STAG2: variants seen among roughly 807,000 people sequenced by gnomAD.
STAG2 encodes STAG2 cohesin complex component.
STAG2 carries 14 observed loss-of-function variants against 108.1 expected under a neutral mutation model. That is an observed-to-expected ratio of 0.13 (90% CI 0.09 to 0.20). The LOEUF (loss-of-function observed/expected upper bound fraction) is 0.20, where lower values mean the gene tolerates loss of function less well. Among genes scored for constraint, STAG2 ranks in the 10% least tolerant of loss-of-function variants. The pLI is 1.00. For missense variants in STAG2, 440 were observed against 940.9 expected, an observed-to-expected ratio of 0.47 and a Z score of 6.96; for synonymous variants, 307 against 302.7, an observed-to-expected ratio of 1.01 and a Z score of -0.15.
At chrX:123,979,709 T>C (rs966530362) in intron 1 of STAG2, among the ~76,000 whole-genome samples, 1 of 111,104 alleles carries the variant, frequency 9.0e-6, no homozygotes, top group Non-Finnish European at 1.9e-5. Flanking sequence ...CTTTTATCTA[T>C]TAGTACAGGT....
intron 4 of STAG2, among the ~76,000 whole-genome samples, chrX:124,029,435 C>T (rs764538756): frequency 5.3e-4 from 59 of 110,292 alleles, no homozygotes; most frequent in Non-Finnish European, 9.7e-4. Flanking sequence ...CTCAGCCTCC[C>T]GAGTAGCTGG....
At chrX:124,033,064 A>G (rs912801036) in intron 5 of STAG2, among the ~76,000 whole-genome samples, 2 of 112,512 alleles carry the variant, frequency 1.8e-5, no homozygotes, top group Admixed American at 1.9e-4. Context: ...TGCCAGATTT[A>G]TTCATACCAT....
intron 27 of STAG2, among the ~76,000 whole-genome samples, chrX:124,078,349 CTT>C (rs35379581): frequency 0.033 from 3,694 of 111,479 alleles, 60 homozygotes; most frequent in Non-Finnish European, 0.047. Context: ...TAAATCTACT[CTT>C]TTATCCAAGG....
At chrX:124,068,732 T>A in intron 24 of STAG2, 76 bp downstream of exon 24, 1 of 702,880 alleles carries the variant, frequency 1.4e-6, no homozygotes, top group Non-Finnish European at 2.1e-6. Context: ...AAAGTTTAAA[T>A]AATACTAAGA....
At chrX:124,076,167 A>T (rs2058797089) in intron 25 of STAG2, among the ~76,000 whole-genome samples, 165 bp from the exon 26 acceptor site, 1 of 112,324 alleles carries the variant, frequency 8.9e-6, no homozygotes, top group African/African-American at 3.2e-5. Context: ...TTGATGTCAC[A>T]AAAATTTAGT....
At position 124,038,861 on chromosome X, in the gene STAG2, A is replaced by G. The variant is rs745452720; in HGVS notation, c.385+1238A>G. On this transcript the variant is annotated intron_variant, in intron 6 of 34. Coordinates refer to ENST00000371145, the MANE Select transcript of STAG2 (RefSeq NM_001042750.2). ...GAAAATTCAGCTGACTTCTGCTCAG[A>G]GGAGATGTTGTCATGATGTTACTAT... Among the ~76,000 whole-genome samples the G allele has an allele frequency of 4.3e-3, 475 of 111,753 alleles. 2 individuals are homozygous for G. Among genetic ancestry groups the G allele is most frequent in the African/African-American group, 0.012 (355 of 30,812 alleles).
chrX:124,071,865 C>G (rs1386200734), intron 25 of STAG2, among the ~76,000 whole-genome samples: 1 of 110,981 alleles, frequency 9.0e-6, no homozygotes, highest in Non-Finnish European at 1.9e-5. Flanking sequence ...GGAAAAGAAT[C>G]AAACCAGCCT....
At chrX:124,044,893 C>G (rs1326056801) in intron 7 of STAG2, among the ~76,000 whole-genome samples, 2 of 111,067 alleles carry the variant, frequency 1.8e-5, no homozygotes, top group Non-Finnish European at 3.8e-5. Flanking sequence ...ATGAGGGAGG[C>G]TTTTAAAATT....
chrX:124,001,646 A>G, intron 1 of STAG2, among the ~76,000 whole-genome samples: 1 of 111,307 alleles, frequency 9.0e-6, no homozygotes, highest in Non-Finnish European at 1.9e-5. Flanking sequence ...AATACTTACC[A>G]TTGTGTTAGT....
intron 33 of STAG2, 114 bp downstream of exon 33, chrX:124,094,258 A>G (rs2059325505): frequency 2.7e-6 from 2 of 750,231 alleles, no homozygotes; most frequent in Non-Finnish European, 3.9e-6. Flanking sequence ...TTGCAAAAAT[A>G]TTAAAATAGT....
At position 124,049,036 on chromosome X, in the gene STAG2, T is replaced by C; in HGVS notation, c.851T>C (p.Met284Thr). ...LQENQDEIEN[M>T]MNAIFKGVFV... is the part of the protein sequence containing the mutation. ...GAAAATCAAGATGAAATAGAAAATA[T>C]GATGAATGCAATATTTAAAGGAGTG... Residue 284 changes from methionine (M) to threonine (T), a missense_variant, in exon 10 of 35, where the codon ATG (methionine) becomes ACG (threonine). By Grantham distance (81) the Met-to-Thr change is moderately conservative (BLOSUM62 -1). Around this residue, in one of 3 missense-constraint regions of STAG2, gnomAD observed 69 missense variants for 254.9 expected, o/e 0.27. Coordinates refer to ENST00000371145, the MANE Select transcript of STAG2 (RefSeq NM_001042750.2). 1 of 1,201,795 alleles carries C rather than the reference T, an allele frequency of 8.3e-7. No individual in the cohort carries two copies. Among genetic ancestry groups the C allele is most frequent in the Non-Finnish European group, 1.1e-6 (1 of 888,667 alleles).
chrX:124,052,034 C>T (rs886981166), intron 13 of STAG2, among the ~76,000 whole-genome samples: 1 of 112,075 alleles, frequency 8.9e-6, no homozygotes, highest in African/African-American at 3.3e-5. Flanking sequence ...TTTTGTTACA[C>T]TTTTAGAGTA....
At position 124,100,645 on chromosome X, in the gene STAG2, G is replaced by C. The variant is rs920415571; in HGVS notation, c.*48G>C. On this transcript the variant is annotated 3_prime_UTR_variant, in exon 35 of 35. Transcript: ENST00000371145. ...TGGTGAAGTCATTTTCTAAGTGGAA[G>C]AGGAAATTTTAAAGTGTGGTAGATA... The C allele has an allele frequency of 1.5e-5, 16 of 1,068,659 alleles. No homozygotes were observed. The highest frequency in any genetic ancestry group is 2.1e-5 in the Non-Finnish European group (16 of 769,936). The allele number at this position is 1,068,659 out of a possible 1,213,427, so 88.1% of individuals were successfully genotyped here.
chrX:124,057,962 C>A lies in STAG2; in HGVS notation c.1401C>A (p.Phe467Leu), dbSNP rs2058256620. ...NANLVKTLVFFFLESELHEHA... is the reference protein window; with the variant it reads ...NANLVKTLVFLFLESELHEHA... ...ACCTTGTTAAGACATTGGTTTTTTT[C>A]TTTCTAGAAAGTGAGGTTAGTTGAT... The change falls in exon 15 of 35, where the codon TTC becomes TTA. Residue 467 changes from phenylalanine to leucine, a missense_variant. By Grantham distance (22) the Phe-to-Leu change is conservative. Coordinates refer to ENST00000371145, the MANE Select transcript of STAG2 (RefSeq NM_001042750.2). 8.5e-7 allele frequency: 1 copy of A among 1,181,888 alleles called. No individual in the cohort carries two copies. Among genetic ancestry groups the A allele is most frequent in the Middle Eastern group, 2.4e-4 (1 of 4,218 alleles).
At chrX:124,013,216 C>G (rs932447486) in intron 1 of STAG2, among the ~76,000 whole-genome samples, 3 of 111,177 alleles carry the variant, frequency 2.7e-5, no homozygotes, top group African/African-American at 9.8e-5. Context: ...GTTGTAATTA[C>G]CCATGTTTAT....
intron 5 of STAG2, among the ~76,000 whole-genome samples, chrX:124,032,323 T>C (rs2057372351): frequency 8.9e-6 from 1 of 112,135 alleles, no homozygotes; most frequent in African/African-American, 3.2e-5. Flanking sequence ...ATCATTCGAA[T>C]TATGTTTTCT....
At chrX:123,967,603 C>T (rs772926129) in intron 1 of STAG2, among the ~76,000 whole-genome samples, 5 of 110,877 alleles carry the variant, frequency 4.5e-5, no homozygotes, top group South Asian at 3.8e-4. Flanking sequence ...CATTGCTTAA[C>T]GGCGGGCATA....
intron 1 of STAG2, among the ~76,000 whole-genome samples, chrX:124,005,950 C>G (rs1404608286): frequency 9.0e-6 from 1 of 111,578 alleles, no homozygotes; most frequent in Non-Finnish European, 1.9e-5. Flanking sequence ...AGCATTACCT[C>G]CCATCTCTGC....
intron 34 of STAG2, among the ~76,000 whole-genome samples, chrX:124,096,176 AT>A (rs200817592): frequency 0.16 from 17,103 of 108,196 alleles, 1,163 homozygotes; most frequent in South Asian, 0.36. Context: ...TCTTTTATTG[AT>A]TTTTTTCCCC....
Sources: gnomAD v4.1 joint callset for allele counts (sites outside exome capture counted in the v4.1 genomes callset) on GRCh38, gnomAD v4.1.1 for gene constraint, gnomAD v4.1.1 regional missense constraint, MANE v1.5 for transcripts, NCBI Gene and HGNC (gene_info 2026-07-23, HGNC 2026-07-21) for gene names.